The following INPP4A variants were observed in gnomAD, a reference collection of about 807,000 sequenced individuals.
INPP4A encodes the protein inositol polyphosphate-4-phosphatase type I A, also known as inositol polyphosphate-4-phosphatase, type I, 107kD.
INPP4A carries 33 observed loss-of-function variants against 119.8 expected under a neutral mutation model. The observed-to-expected ratio is 0.28, with a 90% CI of 0.21 to 0.37. The LOEUF is 0.37. INPP4A is among the 10% of genes least tolerant of loss of function. INPP4A has a pLI of 1.00. For synonymous variants in INPP4A, 496 were observed against 500.7 expected (o/e 0.99, Z 0.12); for missense variants, 956 against 1,289.9 (o/e 0.74, Z 3.97).
chr2:98,478,601 G>A (rs1453810518), intron 1 of INPP4A, among the ~76,000 whole-genome samples: 2 of 152,182 alleles, frequency 1.3e-5, no homozygotes, highest in Non-Finnish European at 2.9e-5. Context: ...AACAAATCAT[G>A]GTGATCTCTT....
At chr2:98,455,929 C>T (rs1165779416) in intron 1 of INPP4A, among the ~76,000 whole-genome samples, 1 of 152,234 alleles carries the variant, frequency 6.6e-6, no homozygotes, top group African/African-American at 2.4e-5. Flanking sequence ...CCTGGTCCAG[C>T]TAGAGCGTCC....
At position 98,577,066 on chromosome 2, in the gene INPP4A, G is replaced by A. The variant is rs1336738236; in HGVS notation, c.2709G>A (p.Leu903=). The A allele has an allele frequency of 1.2e-6, 2 of 1,613,888 alleles. No homozygotes were observed. The highest frequency in any genetic ancestry group is 1.7e-6 in the Non-Finnish European group (2 of 1,179,882). The part of the protein sequence containing the change: ...AKDRTAMSVT[L]EQCLILQHEH... ...ACCGTACAGCCATGTCGGTGACACTGGAGCAGTGCCTGATCCTGCAACACG... is the reference window on the plus strand; with the variant it reads ...ACCGTACAGCCATGTCGGTGACACTAGAGCAGTGCCTGATCCTGCAACACG... The change falls in exon 24 of 25, where the codon CTG becomes CTA. Residue 903 remains leucine, a synonymous_variant. Transcript: ENST00000409851.
At chr2:98,531,860 C>T (rs1211011860) in intron 4 of INPP4A, among the ~76,000 whole-genome samples, 1 of 152,180 alleles carries the variant, frequency 6.6e-6, no homozygotes, top group Non-Finnish European at 1.5e-5. Flanking sequence ...TCCAGATGGA[C>T]GTTCACCAAT....
chr2:98,508,477 A>G (rs1226222170), intron 1 of INPP4A, among the ~76,000 whole-genome samples: 1 of 152,104 alleles, frequency 6.6e-6, no homozygotes, highest in African/African-American at 2.4e-5. Context: ...GTGGACCCAC[A>G]CTCAGAGATA....
At chr2:98,524,107 G>A (rs1687741910) in intron 4 of INPP4A, among the ~76,000 whole-genome samples, 2 of 152,026 alleles carry the variant, frequency 1.3e-5, no homozygotes, top group African/African-American at 4.8e-5. Context: ...GGACATTCAG[G>A]TTCTTCCCAA....
At chr2:98,463,171 C>G (rs962560047) in intron 1 of INPP4A, among the ~76,000 whole-genome samples, 2 of 152,216 alleles carry the variant, frequency 1.3e-5, no homozygotes, top group Non-Finnish European at 2.9e-5. Context: ...CCTGTAGCAT[C>G]CTGAGTGAGG....
chr2:98,586,399 CTG>C (rs1385576844), intron 24 of INPP4A, among the ~76,000 whole-genome samples: 1 of 151,768 alleles, frequency 6.6e-6, no homozygotes, highest in Non-Finnish European at 1.5e-5. Flanking sequence ...TAAAAAATCA[CTG>C]TTTCTTGGTA....
In INPP4A at chr2:98,565,786, TTC is replaced by T. The variant is rs1696324475; in HGVS notation, c.2279+24_2279+25del. ...AAATCGGTAGAGTGTTGGTTTAAAATTCTCTGAGCCAGAGAGCGGTTTTCATT... is the reference window on the plus strand; with the variant it reads ...AAATCGGTAGAGTGTTGGTTTAAAATTCTGAGCCAGAGAGCGGTTTTCATT... On this transcript the variant is annotated intron_variant, in intron 20 of 24. Coordinates refer to ENST00000409851, the MANE Select transcript of INPP4A (RefSeq NM_001134225.2). 2.5e-6 allele frequency: 4 copies of T among 1,607,282 alleles called. No homozygotes were observed. The South Asian group carries it at 4.5e-5, about 18-fold the overall frequency.
chr2:98,565,644 G>A lies in INPP4A; in HGVS notation c.2157G>A (p.Glu719=), dbSNP rs774363743. The change falls in exon 20 of 25, where the codon GAG becomes GAA. Residue 719 remains glutamate, a synonymous_variant. Transcript: ENST00000409851. Reference sequence around the variant, plus strand: ...CTGCCCCTCTCTCATGTCCAGGGGAGGAGCTGGCAATGCTGGAGGACATGA... The same window carrying A: ...CTGCCCCTCTCTCATGTCCAGGGGAAGAGCTGGCAATGCTGGAGGACATGA... The part of the protein sequence containing the change: ...QFESLLSTYG[E]ELAMLEDMSL... 5 of 1,606,994 alleles carry A rather than the reference G, an allele frequency of 3.1e-6. No homozygotes were observed. The highest frequency in any genetic ancestry group is 1.7e-4 in the Middle Eastern group (1 of 6,058).
chr2:98,483,809 C>G (rs1050066290), intron 1 of INPP4A, among the ~76,000 whole-genome samples: 6 of 152,092 alleles, frequency 3.9e-5, no homozygotes, highest in Non-Finnish European at 8.8e-5. Context: ...TGTGGCTAGC[C>G]AAGGTTGCAC....
chr2:98,480,507 T>C lies in INPP4A; in HGVS notation c.-166+35422T>C, dbSNP rs151272328. 3.7e-4 allele frequency among the ~76,000 whole-genome samples: 56 copies of C among 152,332 alleles called. 1 individual carries two copies. The highest frequency in any genetic ancestry group is 1.3e-3 in the African/African-American group (54 of 41,572). ...GAAAGGACTGTCGTCATTTTACCTG[T>C]GTTAGGAACATCATCACTGACTGTG... On this transcript the variant is annotated intron_variant, in intron 1 of 24. Transcript: ENST00000409851.
At chr2:98,519,868 T>A in intron 2 of INPP4A, 78 bp from the exon 3 acceptor site, 2 of 602,340 alleles carry the variant, frequency 3.3e-6, no homozygotes, top group South Asian at 3.9e-5. Flanking sequence ...CCCCGGTAGG[T>A]CACGTTCTTT....
At chr2:98,501,523 C>T (rs1271928039) in intron 1 of INPP4A, among the ~76,000 whole-genome samples, 1 of 151,786 alleles carries the variant, frequency 6.6e-6, no homozygotes, top group Non-Finnish European at 1.5e-5. Flanking sequence ...ATGTTGAGGT[C>T]AAGAACCCCC....
rs570874204 is a variant in INPP4A at position 98,559,101 on chromosome 2, G to A, written c.1823-362G>A. On this transcript the variant is annotated intron_variant, in intron 16 of 24. Transcript: ENST00000409851. ...TTGCTTCCAGATGCCGCAAGCCAAC[G>A]CGGGGCTCTGCCACTACAATGTGAT... Among the ~76,000 whole-genome samples, 12 of 152,330 alleles carry A rather than the reference G, an allele frequency of 7.9e-5. No homozygotes were observed. In the East Asian group the frequency reaches 1.5e-3, roughly 20 times the overall value.
intron 1 of INPP4A, among the ~76,000 whole-genome samples, chr2:98,452,707 C>G (rs6739013): frequency 0.01 from 1,586 of 152,278 alleles, 46 homozygotes; most frequent in African/African-American, 0.036. Flanking sequence ...TCAAGCTTCT[C>G]CAGCTCCTCC....
chr2:98,564,750 G>A lies in INPP4A; in HGVS notation c.2139G>A (p.Leu713=), dbSNP rs371654927. 3.5e-5 allele frequency: 55 copies of A among 1,594,170 alleles called. No homozygotes were observed. The highest frequency in any genetic ancestry group is 1.7e-4 in the Middle Eastern group (1 of 6,056). Residue 713 remains leucine, a synonymous_variant, in exon 19 of 25, where the codon CTG becomes CTA. Coordinates refer to ENST00000409851, the MANE Select transcript of INPP4A (RefSeq NM_001134225.2). ...GGCTGCTGGCCCAGTTCGAGAGCCT[G>A]CTGAGCACCTACGGTGAGGCGCCCG... The part of the protein sequence containing the change: ...TIGLLAQFES[L]LSTYGEELAM...
At chr2:98,575,836 T>C (rs773498580) in intron 23 of INPP4A, among the ~76,000 whole-genome samples, 7 of 152,230 alleles carry the variant, frequency 4.6e-5, no homozygotes, top group Non-Finnish European at 1.0e-4. Flanking sequence ...AATACCAGCC[T>C]TGGTGTCATA....
At position 98,587,691 on chromosome 2, in the gene INPP4A, G is replaced by A; in HGVS notation, c.*83G>A. The A allele has an allele frequency of 9.3e-7, 1 of 1,077,564 alleles. No homozygotes were observed. Among genetic ancestry groups the A allele is most frequent in the Non-Finnish European group, 1.3e-6 (1 of 757,014 alleles). 66.8% of individuals were successfully genotyped at this position (1,077,564 alleles called of 1,614,324 possible). On this transcript the variant is annotated 3_prime_UTR_variant, in exon 25 of 25. Transcript: ENST00000409851. ...ATATATGAATTCTTCAAGAAGACCT[G>A]AAGGATTGGTTTTTATTTTTTGTGG...
Position 98,481,598 on chromosome 2 carries a change from C to T in INPP4A, c.-166+36513C>T, listed in dbSNP as rs117096653. On this transcript the variant is annotated intron_variant, in intron 1 of 24. Transcript: ENST00000409851. ...AATTCTCTATATAAAATGATTATATCACATTGAGCCTCAGTAACAGATTAA... is the reference window on the plus strand; with the variant it reads ...AATTCTCTATATAAAATGATTATATTACATTGAGCCTCAGTAACAGATTAA... 4.6e-4 allele frequency among the ~76,000 whole-genome samples: 70 copies of T among 152,318 alleles called. No individual in the cohort carries two copies. The East Asian group carries it at 0.012, about 26-fold the overall frequency.
Sources: allele counts gnomAD v4.1 joint callset (sites outside exome capture counted in the v4.1 genomes callset), GRCh38; gene constraint gnomAD v4.1.1; transcripts MANE v1.5; gene names NCBI Gene and HGNC (gene_info 2026-07-23, HGNC 2026-07-21).